The following DPP6 variants were observed in gnomAD, a reference collection of about 807,000 sequenced individuals.
DPP6 encodes A-type potassium channel modulatory protein DPP6.
In DPP6, 69 loss-of-function variants were observed where a neutral mutation model predicts 122.6. The observed-to-expected ratio is 0.56, with a 90% CI of 0.46 to 0.69. DPP6 has a LOEUF of 0.69. DPP6 is among the 30% of genes least tolerant of loss of function. The pLI, the probability that DPP6 is intolerant of heterozygous loss-of-function variation, is 0.00. For synonymous variants in DPP6, 418 were observed against 433.1 expected (o/e 0.97, Z 0.43); for missense variants, 928 against 1,116.9 (o/e 0.83, Z 2.41).
At chr7:154,516,141 G>A (rs1826480088) in intron 3 of DPP6, among the ~76,000 whole-genome samples, 1 of 152,114 alleles carries the variant, frequency 6.6e-6, no homozygotes, top group Non-Finnish European at 1.5e-5. Context: ...CCAGACTCTT[G>A]CGGCACCAGC....
At chr7:154,321,216 G>A (rs1420880484) in intron 1 of DPP6, among the ~76,000 whole-genome samples, 3 of 152,000 alleles carry the variant, frequency 2.0e-5, no homozygotes, top group East Asian at 1.9e-4. Context: ...GATCGAGGCT[G>A]CAGTGAGCTG....
At chr7:154,727,154 G>A (rs1295920362) in intron 7 of DPP6, among the ~76,000 whole-genome samples, 1 of 152,142 alleles carries the variant, frequency 6.6e-6, no homozygotes, top group Non-Finnish European at 1.5e-5. Context: ...CTGAGACTTG[G>A]TAATTTATTT....
intron 5 of DPP6, among the ~76,000 whole-genome samples, chr7:154,583,867 G>T (rs1174017564): frequency 6.6e-6 from 1 of 152,048 alleles, no homozygotes; most frequent in Non-Finnish European, 1.5e-5. Flanking sequence ...TCCCACGTTG[G>T]CCCCACGTCC....
chr7:154,830,469 T>A (rs1027710983), intron 16 of DPP6, among the ~76,000 whole-genome samples: 11 of 152,242 alleles, frequency 7.2e-5, no homozygotes, highest in African/African-American at 2.7e-4. Context: ...TAGAGCTGTA[T>A]AAACGTTGTG....
chr7:154,116,990 CCT>C (rs1563215072), intron 1 of DPP6, among the ~76,000 whole-genome samples: 1 of 152,044 alleles, frequency 6.6e-6, no homozygotes. Context: ...ATCCAAAAGG[CCT>C]CTCTTCTCCA....
intron 8 of DPP6, among the ~76,000 whole-genome samples, chr7:154,767,293 C>T (rs1032163268): frequency 3.9e-5 from 6 of 152,172 alleles, no homozygotes; most frequent in African/African-American, 1.2e-4. Context: ...CCCATTGGCC[C>T]CTTTCTTGTG....
At chr7:154,594,127 T>C (rs563484757) in intron 5 of DPP6, among the ~76,000 whole-genome samples, 3 of 152,188 alleles carry the variant, frequency 2.0e-5, no homozygotes, top group African/African-American at 4.8e-5. Flanking sequence ...GTCCGGTCAT[T>C]CTTATGGGTC....
chr7:154,778,502 G>A (rs1211841407), intron 10 of DPP6, among the ~76,000 whole-genome samples: 1 of 151,976 alleles, frequency 6.6e-6, no homozygotes, highest in East Asian at 1.9e-4. Flanking sequence ...AGGGTCATCA[G>A]GGCCATGAAA....
chr7:154,354,274 T>A (rs1811101610), intron 1 of DPP6, among the ~76,000 whole-genome samples: 1 of 152,212 alleles, frequency 6.6e-6, no homozygotes, highest in South Asian at 2.1e-4. Flanking sequence ...CTAGTAATAA[T>A]AGCCAACATT....
chr7:154,754,301 T>C (rs997740244), intron 8 of DPP6, among the ~76,000 whole-genome samples: 10 of 152,230 alleles, frequency 6.6e-5, no homozygotes, highest in Admixed American at 6.5e-4. Context: ...ATTTTAAGGC[T>C]ATAACTTTGT....
intron 1 of DPP6, among the ~76,000 whole-genome samples, chr7:153,948,690 A>G (rs1802062915): frequency 6.6e-6 from 1 of 151,138 alleles, no homozygotes; most frequent in Non-Finnish European, 1.5e-5. Flanking sequence ...AATATAATAC[A>G]ACTTAAACAA....
intron 7 of DPP6, among the ~76,000 whole-genome samples, chr7:154,700,148 A>G (rs34158924): frequency 0.01 from 1,530 of 152,374 alleles, 13 homozygotes; most frequent in Non-Finnish European, 0.016. Flanking sequence ...TATGTGCAAC[A>G]CATCCATCAA....
At chr7:154,351,896 G>T (rs779434562) in intron 1 of DPP6, among the ~76,000 whole-genome samples, 8 of 152,116 alleles carry the variant, frequency 5.3e-5, no homozygotes, top group Non-Finnish European at 8.8e-5. Flanking sequence ...TCCTGGAAAG[G>T]TTCCCTGGTC....
intron 1 of DPP6, among the ~76,000 whole-genome samples, chr7:154,269,465 G>A (rs777827456): frequency 3.3e-5 from 5 of 152,126 alleles, no homozygotes; most frequent in African/African-American, 4.8e-5. Context: ...CTTCTCCTGG[G>A]CCACAGTGCT....
chr7:154,721,590 T>G (rs10280077), intron 7 of DPP6, among the ~76,000 whole-genome samples: 11,364 of 152,128 alleles, frequency 0.075, 1,065 homozygotes, highest in African/African-American at 0.22. Flanking sequence ...GATTTGGCAA[T>G]GGATTTTTAG....
At chr7:154,494,317 C>T (rs1043379109) in intron 3 of DPP6, among the ~76,000 whole-genome samples, 5 of 151,404 alleles carry the variant, frequency 3.3e-5, no homozygotes, top group Non-Finnish European at 5.9e-5. Flanking sequence ...CATCGCACCA[C>T]TGCACTCCAC....
intron 1 of DPP6, among the ~76,000 whole-genome samples, chr7:154,047,079 CAA>C (rs150058522): frequency 0.072 from 10,799 of 149,182 alleles, 479 homozygotes; most frequent in African/African-American, 0.11. Context: ...GCTTTGAAGT[CAA>C]AGCCTGAGAA....
At chr7:154,521,183 T>C (rs1182559091) in intron 3 of DPP6, among the ~76,000 whole-genome samples, 1 of 152,196 alleles carries the variant, frequency 6.6e-6, no homozygotes, top group Non-Finnish European at 1.5e-5. Flanking sequence ...GCTTGGCTGA[T>C]AACACATTTC....
chr7:154,073,386 G>T (rs1245984695), intron 1 of DPP6, among the ~76,000 whole-genome samples: 5 of 152,258 alleles, frequency 3.3e-5, no homozygotes, highest in African/African-American at 9.6e-5. Flanking sequence ...TTCCAAGCCT[G>T]CGCTTCCTCC....
Sources: gnomAD v4.1 joint callset for allele counts (sites outside exome capture counted in the v4.1 genomes callset) on GRCh38, gnomAD v4.1.1 for gene constraint, MANE v1.5 for transcripts, NCBI Gene and HGNC (gene_info 2026-07-23, HGNC 2026-07-21) for gene names.